TMEM50B: variants seen among roughly 807,000 people sequenced by gnomAD.
The protein encoded by TMEM50B is HCV p7-trans-regulated protein 3.
TMEM50B carries 14 observed loss-of-function variants against 23.4 expected under a neutral mutation model. The ratio of observed to expected loss-of-function variants is 0.60; its 90% CI spans 0.39 to 0.93. TMEM50B has a LOEUF of 0.93. Ranked by LOEUF, TMEM50B falls within the 40% of genes least tolerant of loss-of-function variation. The probability of loss-of-function intolerance (pLI) is 0.00; values close to 1 mark genes in which losing one functional copy is unlikely to be tolerated. For synonymous variants in TMEM50B, 64 were observed against 62.3 expected (o/e 1.03, Z -0.13); for missense variants, 159 against 193.0 (o/e 0.82, Z 1.04).
intron 1 of TMEM50B, chr21:33,478,858 C>G (rs765635701): frequency 2.1e-6 from 1 of 470,938 alleles, no homozygotes; most frequent in Non-Finnish European, 4.4e-6. Flanking sequence ...TTCAGAGCCT[C>G]TGAAGTGTCA....
rs780092640 is a variant in TMEM50B, at chr21:33,450,486, G to A, written c.*332C>T. Reference sequence around the variant, plus strand: ...GCTGGGATTACAGGCATGAGCCACCGTGCCCAGCCAGAGAGACAAGAGTGG... The same window carrying A: ...GCTGGGATTACAGGCATGAGCCACCATGCCCAGCCAGAGAGACAAGAGTGG... On this transcript the variant is annotated 3_prime_UTR_variant, in exon 7 of 7. Transcript: ENST00000542230. The A allele has an allele frequency of 4.1e-4, 78 of 189,178 alleles. No individual in the cohort carries two copies. Among genetic ancestry groups the A allele is most frequent in the Admixed American group, 8.5e-4 (14 of 16,568 alleles). The allele number at this position is 189,178 out of a possible 1,614,324, so 11.7% of individuals were successfully genotyped here. A position where few individuals can be genotyped will look rare whatever the true frequency, so the allele number is the denominator to read the frequency against.
chr21:33,473,557 TC>T (rs1382920337), intron 1 of TMEM50B, among the ~76,000 whole-genome samples: 1 of 150,222 alleles, frequency 6.7e-6, no homozygotes, highest in Non-Finnish European at 1.5e-5. Flanking sequence ...GCACTTGTAG[TC>T]TCAGCTACTC....
At chr21:33,445,976 A>G (rs2084049466), downstream of TMEM50B, among the ~76,000 whole-genome samples, 3 of 152,142 alleles carry the variant, frequency 2.0e-5, no homozygotes, top group Admixed American at 2.0e-4. Flanking sequence ...CTAAACTTAA[A>G]TCCATAGGCC....
At chr21:33,473,308 CT>C (rs1204965331) in intron 1 of TMEM50B, among the ~76,000 whole-genome samples, 1 of 151,888 alleles carries the variant, frequency 6.6e-6, no homozygotes, top group African/African-American at 2.4e-5. Flanking sequence ...CAAAAATTAT[CT>C]GGGCATGGTG....
chr21:33,468,498 T>C (rs2084284735), intron 2 of TMEM50B: 3 of 295,360 alleles, frequency 1.0e-5, no homozygotes, highest in Non-Finnish European at 1.9e-5. Context: ...GATCTTAAAG[T>C]ACTTACATAT....
chr21:33,466,042 ACGAGGT>A (rs1166573768), intron 3 of TMEM50B, among the ~76,000 whole-genome samples: 2 of 152,148 alleles, frequency 1.3e-5, no homozygotes, highest in African/African-American at 4.8e-5. Context: ...CAGGCAAATC[ACGAGGT>A]CAGGAGTTCA....
chr21:33,467,394 C>A (rs751803978), intron 2 of TMEM50B, among the ~76,000 whole-genome samples: 8 of 152,316 alleles, frequency 5.3e-5, no homozygotes, highest in African/African-American at 1.9e-4. Flanking sequence ...GAGGCCAACA[C>A]GCGCAAATCA....
chr21:33,456,582 G>C (rs1485054735), intron 5 of TMEM50B, among the ~76,000 whole-genome samples: 1 of 152,130 alleles, frequency 6.6e-6, no homozygotes, highest in Non-Finnish European at 1.5e-5. Flanking sequence ...TGAAGAAACT[G>C]GTTCAATTCT....
chr21:33,472,202 T>C (rs1201101161), intron 1 of TMEM50B, among the ~76,000 whole-genome samples: 2 of 151,156 alleles, frequency 1.3e-5, no homozygotes, highest in Admixed American at 6.6e-5. Flanking sequence ...GCCAACATGG[T>C]GAAACCCCGT....
In TMEM50B at chr21:33,450,514, A is replaced by C. The variant is rs892853480; in HGVS notation, c.*304T>G. 11 of 238,994 alleles carry C rather than the reference A, an allele frequency of 4.6e-5. No individual in the cohort carries two copies. The highest frequency in any genetic ancestry group is 8.0e-5 in the Non-Finnish European group (10 of 124,424). 14.8% of individuals were successfully genotyped at this position (238,994 alleles called of 1,614,324 possible). A position where few individuals can be genotyped will look rare whatever the true frequency, so the allele number is the denominator to read the frequency against. ...CCCAGCCAGAGAGACAAGAGTGGTTACTTCTAAAATGACAAGATGATGTAA... is the reference window on the plus strand; with the variant it reads ...CCCAGCCAGAGAGACAAGAGTGGTTCCTTCTAAAATGACAAGATGATGTAA... On this transcript the variant is annotated 3_prime_UTR_variant, in exon 7 of 7. Transcript: ENST00000542230.
chr21:33,436,134 G>T (rs532984151), intron 8 of TMEM50B, among the ~76,000 whole-genome samples: 148 of 150,898 alleles, frequency 9.8e-4, no homozygotes, highest in African/African-American at 3.4e-3. Context: ...GAGGCGGGCG[G>T]ATCACCTGAG....
chr21:33,474,136 G>T (rs1344607765), intron 1 of TMEM50B, among the ~76,000 whole-genome samples: 1 of 149,848 alleles, frequency 6.7e-6, no homozygotes, highest in African/African-American at 2.5e-5. Flanking sequence ...TAAAACAGGT[G>T]AATGTTACAG....
chr21:33,466,165 G>A (rs552311662), intron 3 of TMEM50B, among the ~76,000 whole-genome samples: 7 of 152,192 alleles, frequency 4.6e-5, no homozygotes, highest in East Asian at 1.9e-4. Flanking sequence ...GGAGGCTGAG[G>A]CAAGGGAATC....
At chr21:33,461,093 T>C (rs949703250) in intron 4 of TMEM50B, among the ~76,000 whole-genome samples, 6 of 152,216 alleles carry the variant, frequency 3.9e-5, no homozygotes, top group African/African-American at 1.2e-4. Context: ...ATCTGGACAC[T>C]TGAGTAGATT....
intron 1 of TMEM50B, among the ~76,000 whole-genome samples, chr21:33,472,694 T>C (rs1487538670): frequency 6.6e-6 from 1 of 151,840 alleles, no homozygotes; most frequent in South Asian, 2.1e-4. Flanking sequence ...CTGGCCAACA[T>C]GGTGAAACCC....
chr21:33,473,654 CAAA>C (rs145070351), intron 1 of TMEM50B, among the ~76,000 whole-genome samples: 1 of 118,960 alleles, frequency 8.4e-6, no homozygotes, highest in Admixed American at 8.7e-5. Context: ...GACCTTGTCT[CAAA>C]AAAAAAAAAA....
At chr21:33,461,568 C>T (rs2084216926) in intron 4 of TMEM50B, among the ~76,000 whole-genome samples, 1 of 151,984 alleles carries the variant, frequency 6.6e-6, no homozygotes, top group South Asian at 2.1e-4. Context: ...ATTTGGGAGG[C>T]CAAGGTGGGC....
chr21:33,435,529 G>A (rs1302616004), intron 8 of TMEM50B, among the ~76,000 whole-genome samples: 1 of 152,112 alleles, frequency 6.6e-6, no homozygotes, highest in Non-Finnish European at 1.5e-5. Flanking sequence ...ATATTAACAT[G>A]GTCAGCCCTG....
chr21:33,459,881 A>G (rs1450992654), intron 5 of TMEM50B, among the ~76,000 whole-genome samples: 1 of 151,872 alleles, frequency 6.6e-6, no homozygotes, highest in African/African-American at 2.4e-5. Flanking sequence ...CCAGCTGGGT[A>G]TAGACAAGCA....
Sources: gnomAD v4.1 joint callset for allele counts (sites outside exome capture counted in the v4.1 genomes callset) on GRCh38, gnomAD v4.1.1 for gene constraint, MANE v1.5 for transcripts, NCBI Gene and HGNC (gene_info 2026-07-23, HGNC 2026-07-21) for gene names.